The following NAV2 variants were observed in gnomAD, a reference collection of about 807,000 sequenced individuals.
NAV2 encodes neuron navigator 2, also known as helicase, APC down-regulated 1.
A neutral mutation model predicts 223.2 loss-of-function variants in NAV2; 54 were observed. That is an observed-to-expected ratio of 0.24 (90% CI 0.19 to 0.30). The LOEUF is 0.30. Ranked by LOEUF, NAV2 falls within the 10% of genes least tolerant of loss-of-function variation. NAV2 has a pLI of 1.00. For missense variants in NAV2, 2,806 were observed against 3,147.5 expected, an observed-to-expected ratio of 0.89 and a Z score of 2.60; for synonymous variants, 1,279 against 1,239.3, an observed-to-expected ratio of 1.03 and a Z score of -0.67.
At chr11:19,968,312 C>A (rs568882576) in intron 10 of NAV2, among the ~76,000 whole-genome samples, 1 of 152,132 alleles carries the variant, frequency 6.6e-6, no homozygotes, top group South Asian at 2.1e-4. Flanking sequence ...CTGGATTCTC[C>A]GCTTCCTGAT....
At chr11:19,579,116 A>G (rs547020627) in intron 1 of NAV2, among the ~76,000 whole-genome samples, 7 of 152,356 alleles carry the variant, frequency 4.6e-5, no homozygotes, top group Non-Finnish European at 1.0e-4. Context: ...GGGTAAGCTC[A>G]GTGCCTGACT....
intron 18 of NAV2, among the ~76,000 whole-genome samples, chr11:20,054,513 A>G (rs1160830876): frequency 1.3e-5 from 2 of 152,218 alleles, no homozygotes; most frequent in Non-Finnish European, 2.9e-5. Flanking sequence ...AAAAATAAAT[A>G]GAGAAAATAG....
chr11:19,921,357 T>C (rs2044259401), intron 6 of NAV2, among the ~76,000 whole-genome samples: 1 of 152,230 alleles, frequency 6.6e-6, no homozygotes, highest in Non-Finnish European at 1.5e-5. Flanking sequence ...GGTTGGCTCC[T>C]GATTTTGATT....
At chr11:19,683,782 C>T (rs1294792841) in intron 1 of NAV2, among the ~76,000 whole-genome samples, 1 of 152,190 alleles carries the variant, frequency 6.6e-6, no homozygotes, top group African/African-American at 2.4e-5. Context: ...ACTCCACAAA[C>T]CAGCACAAGG....
chr11:19,467,018 C>CACACACACAGAG (rs982297137), intron 1 of NAV2, among the ~76,000 whole-genome samples: 5 of 82,350 alleles, frequency 6.1e-5, no homozygotes, highest in African/African-American at 2.0e-4. Flanking sequence ...CACACACACA[C>CACACACACAGAG]AGAGAGAGAG....
At chr11:19,557,164 A>T (rs1442071416) in intron 1 of NAV2, among the ~76,000 whole-genome samples, 3 of 152,260 alleles carry the variant, frequency 2.0e-5, no homozygotes, top group Non-Finnish European at 2.9e-5. Flanking sequence ...CAGATGCCAT[A>T]TCATTTAACC....
At chr11:19,680,855 G>C (rs966475528) in intron 1 of NAV2, among the ~76,000 whole-genome samples, 1 of 152,182 alleles carries the variant, frequency 6.6e-6, no homozygotes, top group Non-Finnish European at 1.5e-5. Flanking sequence ...TGCCTTCTTT[G>C]CACCTGTCAT....
At chr11:19,563,604 C>T (rs1216426297) in intron 1 of NAV2, among the ~76,000 whole-genome samples, 2 of 152,208 alleles carry the variant, frequency 1.3e-5, no homozygotes, top group East Asian at 1.9e-4. Flanking sequence ...TGTTAAAATG[C>T]TGAGTCCTGG....
At chr11:19,633,364 C>G (rs1038440922) in intron 1 of NAV2, among the ~76,000 whole-genome samples, 1 of 152,264 alleles carries the variant, frequency 6.6e-6, no homozygotes, top group South Asian at 2.1e-4. Context: ...ATTCAGGACA[C>G]TGGGTCCTTA....
At chr11:20,100,133 C>G (rs1365739353) in intron 31 of NAV2, among the ~76,000 whole-genome samples, 1 of 152,096 alleles carries the variant, frequency 6.6e-6, no homozygotes, top group African/African-American at 2.4e-5. Flanking sequence ...TTGAGAGTAC[C>G]TTTTAACAAT....
At chr11:19,382,286 A>C (rs1848869491) in intron 1 of NAV2, among the ~76,000 whole-genome samples, 1 of 152,120 alleles carries the variant, frequency 6.6e-6, no homozygotes, top group African/African-American at 2.4e-5. Flanking sequence ...TTGGCTATAG[A>C]ATTCTTTTTC....
chr11:19,646,161 C>T (rs1205989607), intron 1 of NAV2, among the ~76,000 whole-genome samples: 3 of 152,188 alleles, frequency 2.0e-5, no homozygotes, highest in African/African-American at 7.2e-5. Context: ...GGGCTGGGGG[C>T]TTCAGCCCCA....
Position 20,044,224 on chromosome 11 carries a change from A to G in NAV2, c.3151A>G (p.Arg1051Gly), listed in dbSNP as rs1689639373. ...AGCTCAGGTGGGCATCACCATGCCA[A>G]GGACGAAGCCTTCAGCCCCGGCAGG... Reference protein sequence around the residue: ...MTAQVGITMPRTKPSAPAGAL... With the variant: ...MTAQVGITMPGTKPSAPAGAL... The change falls in exon 13 of 38, where the codon AGG becomes GGG. Residue 1051 changes from arginine (R) to glycine (G), a missense_variant. By Grantham distance (125) the Arg-to-Gly change is moderately radical (BLOSUM62 -2). Around this residue, in one of 4 missense-constraint regions of NAV2, gnomAD observed 742 missense variants for 777.9 expected, o/e 0.95. Transcript: ENST00000349880. 2 of 1,613,928 alleles carry G rather than the reference A, an allele frequency of 1.2e-6. No individual in the cohort carries two copies. The highest frequency in any genetic ancestry group is 1.7e-6 in the Non-Finnish European group (2 of 1,179,806).
At chr11:19,825,216 CAGGAGATGG>C (rs2152868543) in intron 1 of NAV2, among the ~76,000 whole-genome samples, 1 of 143,938 alleles carries the variant, frequency 6.9e-6, no homozygotes, top group South Asian at 2.2e-4. Context: ...CACTTGAACC[CAGGAGATGG>C]AGGTTGCAGT....
intron 1 of NAV2, among the ~76,000 whole-genome samples, chr11:19,549,352 C>T (rs1049263491): frequency 6.6e-6 from 1 of 152,146 alleles, no homozygotes; most frequent in African/African-American, 2.4e-5. Flanking sequence ...GAGAGGTTGG[C>T]GTCCTATTCC....
chr11:19,999,660 C>T (rs2439872), intron 11 of NAV2, among the ~76,000 whole-genome samples: 22,723 of 152,070 alleles, frequency 0.15, 1,908 homozygotes, highest in Admixed American at 0.24. Flanking sequence ...CGTGAGTCAC[C>T]GCACTGGGCC....
intron 1 of NAV2, among the ~76,000 whole-genome samples, chr11:19,624,003 G>A (rs1267057315): frequency 6.6e-6 from 1 of 152,214 alleles, no homozygotes; most frequent in Non-Finnish European, 1.5e-5. Flanking sequence ...ACCCTCAGCT[G>A]CAGGTCTGTT....
At chr11:19,749,091 G>A (rs1356049867) in intron 1 of NAV2, among the ~76,000 whole-genome samples, 1 of 152,180 alleles carries the variant, frequency 6.6e-6, no homozygotes, top group Non-Finnish European at 1.5e-5. Context: ...ATTTCAAATG[G>A]ACTCTTATTT....
chr11:19,508,746 G>A (rs1003922536), intron 1 of NAV2, among the ~76,000 whole-genome samples: 6 of 152,152 alleles, frequency 3.9e-5, no homozygotes, highest in African/African-American at 1.4e-4. Context: ...CTCAATAAAT[G>A]TTTTATTCAC....
Sources: allele counts gnomAD v4.1 joint callset (sites outside exome capture counted in the v4.1 genomes callset), GRCh38; gene constraint gnomAD v4.1.1; regional missense constraint gnomAD v4.1.1; transcripts MANE v1.5; gene names NCBI Gene and HGNC (gene_info 2026-07-23, HGNC 2026-07-21).